STING1: variants seen among roughly 807,000 people sequenced by gnomAD.
STING1 encodes stimulator of interferon response cGAMP interactor 1.
Under a neutral mutation model 31.6 loss-of-function variants are expected in STING1, and 19 were observed. The ratio of observed to expected loss-of-function variants is 0.60; its 90% CI spans 0.42 to 0.88. STING1 has a LOEUF of 0.88. Among genes scored for constraint, STING1 ranks in the 40% least tolerant of loss-of-function variants. The probability of loss-of-function intolerance (pLI) is 0.00; values close to 1 mark genes in which losing one functional copy is unlikely to be tolerated. For synonymous variants in STING1, 200 were observed against 208.6 expected, an observed-to-expected ratio of 0.96 and a Z score of 0.35; for missense variants, 371 against 483.7, an observed-to-expected ratio of 0.77 and a Z score of 2.19.
At chr5:139,480,153 T>A (rs920236205) in intron 5 of STING1, among the ~76,000 whole-genome samples, 4 of 152,008 alleles carry the variant, frequency 2.6e-5, no homozygotes, top group East Asian at 1.9e-4. Flanking sequence ...CTCTTCTTTT[T>A]AAAAAATATA....
At chr5:139,476,819 C>T (rs1426817909) in intron 7 of STING1, among the ~76,000 whole-genome samples, 1 of 150,878 alleles carries the variant, frequency 6.6e-6, no homozygotes, top group African/African-American at 2.4e-5. Context: ...GCAGGAGAAT[C>T]GCTTGGACCC....
rs760068666 is a variant in STING1, at chr5:139,481,926, A to G, written c.1-222T>C. ...TGAAAACAGAGCAGGGCCTGCACAT[A>G]CACGCCCCACCAAGACCCAGGGAGA... On this transcript the variant is annotated intron_variant, in intron 2 of 7. Transcript: ENST00000330794. This position sits in a 1 kb window ranked among gnomAD's most constrained non-coding sequence, Gnocchi z 4.1. The G allele has an allele frequency of 7.4e-5, 40 of 540,504 alleles. No individual in the cohort carries two copies. Among genetic ancestry groups the G allele is most frequent in the Non-Finnish European group, 1.3e-4 (38 of 302,968 alleles). 33.5% of individuals were successfully genotyped at this position (540,504 alleles called of 1,614,324 possible).
Position 139,481,535 on chromosome 5 carries a change from C to G in STING1, c.170G>C (p.Gly57Ala), listed in dbSNP as rs931914513. Reference sequence around the variant, plus strand: ...GCTGCAGACCCCGTTTAACAGCAGTCCCAGCTGCAGGGAGGCTAGGTGGAG... The same window carrying G: ...GCTGCAGACCCCGTTTAACAGCAGTGCCAGCTGCAGGGAGGCTAGGTGGAG... Reference protein sequence around the residue: ...LVLHLASLQLGLLLNGVCSLA... With the variant: ...LVLHLASLQLALLLNGVCSLA... Residue 57 changes from glycine to alanine, a missense_variant, in exon 3 of 8, where the codon GGA (glycine) becomes GCA (alanine). By Grantham distance (60) the Gly-to-Ala change is moderately conservative. Coordinates refer to ENST00000330794, the MANE Select transcript of STING1 (RefSeq NM_198282.4). The surrounding 1 kb of genome is among the most constrained non-coding windows in gnomAD (Gnocchi z 4.1). The G allele has an allele frequency of 6.2e-7, 1 of 1,613,880 alleles. No homozygotes were observed. The highest frequency in any genetic ancestry group is 1.3e-5 in the African/African-American group (1 of 74,914).
chr5:139,477,194 G>A (rs892950393), intron 7 of STING1, 135 bp downstream of exon 7: 10 of 896,536 alleles, frequency 1.1e-5, no homozygotes, highest in Non-Finnish European at 1.7e-5. Flanking sequence ...GGGAAGAGGG[G>A]GCTTCTCCCA....
Position 139,481,374 on chromosome 5 carries a change from C to A in STING1, c.228-32G>T, listed in dbSNP as rs369698734. 1.3e-5 allele frequency: 21 copies of A among 1,578,558 alleles called. No homozygotes were observed. Among genetic ancestry groups the A allele is most frequent in the African/African-American group, 9.4e-5 (7 of 74,540 alleles). On this transcript the variant is annotated intron_variant, in intron 3 of 7. Coordinates refer to ENST00000330794, the MANE Select transcript of STING1 (RefSeq NM_198282.4). This position sits in a 1 kb window ranked among gnomAD's most constrained non-coding sequence, Gnocchi z 4.1. The stretch of plus-strand genomic sequence containing the variant: ...GTGACAGCCAGACCCCAGACCCCAG[C>A]CCCCAGCCCAGCTCAGCCAGAGAGG...
rs542615364 is a variant in STING1 at position 139,478,748 on chromosome 5, C to T, written c.521-240G>A. 6.1e-6 allele frequency: 3 copies of T among 490,332 alleles called. No individual in the cohort carries two copies. The East Asian group carries it at 1.1e-4, about 17-fold the overall frequency. 30.4% of individuals were successfully genotyped at this position (490,332 alleles called of 1,614,324 possible). A position where few individuals can be genotyped will look rare whatever the true frequency, so the allele number is the denominator to read the frequency against. On this transcript the variant is annotated intron_variant, in intron 5 of 7. Coordinates refer to ENST00000330794, the MANE Select transcript of STING1 (RefSeq NM_198282.4). The stretch of plus-strand genomic sequence containing the variant: ...CTTTCCTCAGATGTCTATGTCAGCG[C>T]CACCCCTTTCCACCATGGCTTTCAG...
chr5:139,477,305 C>T (rs1746348848), intron 7 of STING1, 24 bp downstream of exon 7: 6 of 1,610,216 alleles, frequency 3.7e-6, no homozygotes, highest in South Asian at 1.1e-5. Context: ...AGCCTATCAA[C>T]CCCTCACCCT....
intron 5 of STING1, chr5:139,478,838 G>A (rs778156891): frequency 2.7e-5 from 8 of 300,174 alleles, no homozygotes; most frequent in Non-Finnish European, 5.2e-5. Flanking sequence ...ACAGAGGGAG[G>A]CCTCTAGCCC....
chr5:139,482,456 G>A (rs1751887573), intron 1 of STING1, 94 bp downstream of exon 1: 1 of 152,132 alleles, frequency 6.6e-6, no homozygotes, highest in African/African-American at 2.4e-5. Flanking sequence ...TGATGAGCTG[G>A]GCCTGAGTCC....
intron 5 of STING1, among the ~76,000 whole-genome samples, chr5:139,480,538 C>T (rs1333184873): frequency 6.6e-6 from 1 of 152,096 alleles, no homozygotes; most frequent in East Asian, 1.9e-4. Flanking sequence ...GAGGGAGATT[C>T]CTTCTCAAAA....
Position 139,481,895 on chromosome 5 carries a change from G to A in STING1, c.1-191C>T. On this transcript the variant is annotated intron_variant, in intron 2 of 7. Coordinates refer to ENST00000330794, the MANE Select transcript of STING1 (RefSeq NM_198282.4). The surrounding 1 kb of genome is among the most constrained non-coding windows in gnomAD (Gnocchi z 4.1). ...ACCCCAAAGCTCCTGTCTCAGCGAGGTTTGCTGAAAACAGAGCAGGGCCTG... is the reference window on the plus strand; with the variant it reads ...ACCCCAAAGCTCCTGTCTCAGCGAGATTTGCTGAAAACAGAGCAGGGCCTG... The A allele has an allele frequency of 1.7e-6, 1 of 585,724 alleles. No homozygotes were observed. Among genetic ancestry groups the A allele is most frequent in the Non-Finnish European group, 3.0e-6 (1 of 329,962 alleles). 36.3% of individuals were successfully genotyped at this position (585,724 alleles called of 1,614,324 possible). A position where few individuals can be genotyped will look rare whatever the true frequency, so the allele number is the denominator to read the frequency against.
rs772425191 is a variant in STING1, at chr5:139,478,366, G to A, written c.663C>T (p.Phe221=). Residue 221 remains phenylalanine, a synonymous_variant, in exon 6 of 8, where the codon TTC becomes TTT. Coordinates refer to ENST00000330794, the MANE Select transcript of STING1 (RefSeq NM_198282.4). ...NLSMADPNIR[F]LDKLPQQTGD... ...CGGTCTGCTGGGGCAGTTTATCCAGGAAGCGAATGTTGGGGTCAGCCATAC... is the reference window on the plus strand; with the variant it reads ...CGGTCTGCTGGGGCAGTTTATCCAGAAAGCGAATGTTGGGGTCAGCCATAC... The A allele has an allele frequency of 6.2e-7, 1 of 1,614,152 alleles. No individual in the cohort carries two copies. Among genetic ancestry groups the A allele is most frequent in the South Asian group, 1.1e-5 (1 of 91,078 alleles).
In STING1 at chr5:139,476,673, G is replaced by A. The variant is rs998675125; in HGVS notation, c.947-219C>T. 7.7e-4 allele frequency among the ~76,000 whole-genome samples: 117 copies of A among 152,010 alleles called. 3 individuals carry two copies. The highest frequency in any genetic ancestry group is 1.9e-4 in the East Asian group (1 of 5,178). On this transcript the variant is annotated intron_variant, in intron 7 of 7. Coordinates refer to ENST00000330794, the MANE Select transcript of STING1 (RefSeq NM_198282.4). ...TGTAATCCTAGCACTTTGGGAGGCC[G>A]AGGCAGGTAGATCATGAGGTCAGGA...
chr5:139,482,046 C>T (rs1277862372), intron 2 of STING1, 164 bp downstream of exon 2: 1 of 212,102 alleles, frequency 4.7e-6, no homozygotes, highest in Non-Finnish European at 9.4e-6. Flanking sequence ...CCCTTGGGGA[C>T]CTGGGTTCCC....
Position 139,481,112 on chromosome 5 carries a change from C to T in STING1, c.411+47G>A. On this transcript the variant is annotated intron_variant, in intron 4 of 7. Coordinates refer to ENST00000330794, the MANE Select transcript of STING1 (RefSeq NM_198282.4). The surrounding 1 kb of genome is among the most constrained non-coding windows in gnomAD (Gnocchi z 4.1). ...CTCAGCTCAGGGCAGGTCACACCAG[C>T]CACAGCCACCACTTGGCCAGAGCTT... 6.3e-7 allele frequency: 1 copy of T among 1,597,450 alleles called. No individual in the cohort carries two copies. Among genetic ancestry groups the T allele is most frequent in the Non-Finnish European group, 8.6e-7 (1 of 1,165,986 alleles).
Position 139,481,065 on chromosome 5 carries a change from T to C in STING1, c.411+94A>G. On this transcript the variant is annotated intron_variant, in intron 4 of 7. Transcript: ENST00000330794. The surrounding 1 kb of genome is among the most constrained non-coding windows in gnomAD (Gnocchi z 4.1). Reference sequence around the variant, plus strand: ...GTTCTACTCCATGGACTCCAGCCTTTAAACCAGTCCCACTCCCAGTACTCA... The same window carrying C: ...GTTCTACTCCATGGACTCCAGCCTTCAAACCAGTCCCACTCCCAGTACTCA... The C allele has an allele frequency of 2.2e-6, 3 of 1,383,136 alleles. No homozygotes were observed. The Admixed American group carries it at 5.1e-5, about 24-fold the overall frequency. The allele number at this position is 1,383,136 out of a possible 1,614,324, so 85.7% of individuals were successfully genotyped here.
intron 5 of STING1, chr5:139,478,821 C>G: frequency 2.9e-6 from 1 of 341,516 alleles, no homozygotes; most frequent in Non-Finnish European, 5.6e-6. Context: ...CCAGCATTCT[C>G]GTGTGCACAG....
intron 6 of STING1, among the ~76,000 whole-genome samples, chr5:139,477,940 T>A (rs1751711361): frequency 6.6e-6 from 1 of 152,062 alleles, no homozygotes; most frequent in Non-Finnish European, 1.5e-5. Flanking sequence ...ACAGTCAAGT[T>A]TAAATCGTCC....
chr5:139,480,612 C>A (rs1244436782), intron 5 of STING1, among the ~76,000 whole-genome samples, 178 bp downstream of exon 5: 1 of 152,178 alleles, frequency 6.6e-6, no homozygotes, highest in Non-Finnish European at 1.5e-5. Flanking sequence ...GCCCCATATT[C>A]CTTTCTGCAA....
Sources: gnomAD v4.1 joint callset for allele counts (sites outside exome capture counted in the v4.1 genomes callset) on GRCh38, gnomAD v4.1.1 for gene constraint, Gnocchi (gnomAD v3.1) non-coding constraint, MANE v1.5 for transcripts, NCBI Gene and HGNC (gene_info 2026-07-23, HGNC 2026-07-21) for gene names.